The following PTPRN2 variants were observed in gnomAD, a reference collection of about 807,000 sequenced individuals.
PTPRN2 encodes the protein protein tyrosine phosphatase receptor type N2, also known as receptor-type tyrosine-protein phosphatase N2.
PTPRN2 carries 74 observed loss-of-function variants against 118.8 expected under a neutral mutation model. The ratio of observed to expected loss-of-function variants is 0.62; its 90% CI spans 0.52 to 0.76. The LOEUF is 0.76. Ranked by LOEUF, PTPRN2 falls within the 30% of genes least tolerant of loss-of-function variation. PTPRN2 has a pLI of 0.00. For synonymous variants in PTPRN2, 641 were observed against 608.0 expected, an observed-to-expected ratio of 1.05 and a Z score of -0.80; for missense variants, 1,481 against 1,394.4, an observed-to-expected ratio of 1.06 and a Z score of -0.99.
At chr7:158,010,766 T>G (rs879132173) in intron 11 of PTPRN2, among the ~76,000 whole-genome samples, 1 of 152,396 alleles carries the variant, frequency 6.6e-6, no homozygotes, top group East Asian at 1.9e-4. Flanking sequence ...ATTTCTCTGC[T>G]GCCTTACACA....
intron 11 of PTPRN2, among the ~76,000 whole-genome samples, chr7:157,943,187 G>A (rs958457852): frequency 1.3e-5 from 2 of 152,160 alleles, no homozygotes; most frequent in African/African-American, 2.4e-5. Context: ...CACTAGCCTC[G>A]AAGCCGCATC....
At chr7:157,885,090 C>T (rs1796375996) in intron 12 of PTPRN2, among the ~76,000 whole-genome samples, 1 of 152,190 alleles carries the variant, frequency 6.6e-6, no homozygotes, top group Non-Finnish European at 1.5e-5. Context: ...AACAGAGACA[C>T]TACTTTTTCT....
At chr7:158,432,487 C>T (rs559402083) in intron 2 of PTPRN2, among the ~76,000 whole-genome samples, 1 of 152,350 alleles carries the variant, frequency 6.6e-6, no homozygotes, top group South Asian at 2.1e-4. Context: ...CCAGGCCCCA[C>T]CTCTACCAGG....
At chr7:158,433,536 G>A (rs1586663217) in intron 2 of PTPRN2, among the ~76,000 whole-genome samples, 1 of 152,150 alleles carries the variant, frequency 6.6e-6, no homozygotes, top group African/African-American at 2.4e-5. Flanking sequence ...CTGATGATAC[G>A]GATTGATAGC....
At chr7:158,499,629 G>C (rs1822202704) in intron 1 of PTPRN2, among the ~76,000 whole-genome samples, 1 of 152,026 alleles carries the variant, frequency 6.6e-6, no homozygotes, top group South Asian at 2.1e-4. Flanking sequence ...AAATTAGCTG[G>C]GCATGGTGGT....
intron 2 of PTPRN2, among the ~76,000 whole-genome samples, chr7:158,484,148 A>T (rs1820830904): frequency 6.6e-6 from 1 of 152,128 alleles, no homozygotes; most frequent in South Asian, 2.1e-4. Flanking sequence ...TGTCTTAAAA[A>T]AAACAAAAAA....
intron 11 of PTPRN2, among the ~76,000 whole-genome samples, chr7:157,932,896 G>T (rs1438861169): frequency 6.7e-6 from 1 of 149,222 alleles, no homozygotes; most frequent in African/African-American, 2.5e-5. Context: ...CACTCCGATT[G>T]ACAGTTTTAG....
rs190867821 is a variant in PTPRN2 at position 157,957,187 on chromosome 7, T to C, written c.1724-58450A>G. On this transcript the variant is annotated intron_variant, in intron 11 of 22. Coordinates refer to ENST00000389418, the MANE Select transcript of PTPRN2 (RefSeq NM_002847.5). ...AGCAGGGGACAAGAGTCACCCAAGG[T>C]GACTATAAGTCCCCACAAATTCATC... is the stretch of plus-strand genomic sequence containing the variant. 1.6e-3 allele frequency among the ~76,000 whole-genome samples: 245 copies of C among 152,336 alleles called. 1 individual carries two copies. Among genetic ancestry groups the C allele is most frequent in the African/African-American group, 5.4e-3 (223 of 41,592 alleles).
chr7:158,036,430 A>G (rs1000086387), intron 11 of PTPRN2, among the ~76,000 whole-genome samples: 27 of 152,204 alleles, frequency 1.8e-4, no homozygotes, highest in African/African-American at 6.3e-4. Context: ...CGGATTTTAG[A>G]TTTTTCAGTC....
At chr7:157,838,052 C>T (rs111410575) in intron 12 of PTPRN2, among the ~76,000 whole-genome samples, 2 of 150,674 alleles carry the variant, frequency 1.3e-5, no homozygotes, top group Non-Finnish European at 2.9e-5. Context: ...TCCGCCGTGC[C>T]TACTCCAGTT....
At chr7:157,747,312 G>A (rs1282813690) in intron 12 of PTPRN2, among the ~76,000 whole-genome samples, 24 of 107,394 alleles carry the variant, frequency 2.2e-4, no homozygotes, top group Admixed American at 1.2e-3. Context: ...TGGGGTGTCC[G>A]GGTGATTCTG....
chr7:158,051,697 T>A (rs1056397768), intron 11 of PTPRN2, among the ~76,000 whole-genome samples: 1 of 152,252 alleles, frequency 6.6e-6, no homozygotes, highest in South Asian at 2.1e-4. Context: ...TGGTAATATG[T>A]TCACTTCATT....
chr7:157,909,386 T>TG lies in PTPRN2; in HGVS notation c.1724-10650dup, dbSNP rs546979204. 4.1e-3 allele frequency among the ~76,000 whole-genome samples: 624 copies of TG among 150,398 alleles called. 2 individuals are homozygous for TG. The highest frequency in any genetic ancestry group is 7.8e-3 in the South Asian group (37 of 4,726). On this transcript the variant is annotated intron_variant, in intron 11 of 22. Transcript: ENST00000389418. ...CTGGACAGGGGCTGACTCTATACAC[T>TG]GGGGGGGGGAGGATGCTGGCCACTC...
chr7:157,799,300 G>A (rs1312158435), intron 12 of PTPRN2, among the ~76,000 whole-genome samples: 9 of 152,042 alleles, frequency 5.9e-5, no homozygotes, highest in African/African-American at 9.7e-5. Flanking sequence ...TGTCAGCCTC[G>A]GATCCGGGCT....
rs550794226 is a variant in PTPRN2 at position 158,472,303 on chromosome 7, T to C, written c.163+17432A>G. 7.2e-5 allele frequency among the ~76,000 whole-genome samples: 11 copies of C among 152,310 alleles called. No individual in the cohort carries two copies. In the South Asian group the frequency reaches 2.3e-3, roughly 32 times the overall value. ...GGAGGAAGGATGGGAAGACGCCCGA[T>C]CAGTGTGGTTCCAGATCAGATTCTG... On this transcript the variant is annotated intron_variant, in intron 2 of 22. Coordinates refer to ENST00000389418, the MANE Select transcript of PTPRN2 (RefSeq NM_002847.5).
At chr7:157,879,759 C>T (rs762021041) in intron 12 of PTPRN2, among the ~76,000 whole-genome samples, 10 of 151,018 alleles carry the variant, frequency 6.6e-5, no homozygotes, top group Non-Finnish European at 1.0e-4. Context: ...CACGTGAGCC[C>T]GGCTTACTCG....
intron 9 of PTPRN2, among the ~76,000 whole-genome samples, chr7:158,131,532 C>A (rs1818290845): frequency 6.6e-6 from 1 of 151,252 alleles, no homozygotes; most frequent in South Asian, 2.1e-4. Flanking sequence ...CACACTCATA[C>A]ACACACACGG....
At chr7:157,886,253 C>T (rs928648917) in intron 12 of PTPRN2, among the ~76,000 whole-genome samples, 2 of 152,128 alleles carry the variant, frequency 1.3e-5, no homozygotes, top group African/African-American at 2.4e-5. Context: ...GTTTCTTCAG[C>T]GGGAGACATC....
At chr7:157,675,650 C>A (rs892195011) in intron 13 of PTPRN2, among the ~76,000 whole-genome samples, 3 of 152,162 alleles carry the variant, frequency 2.0e-5, no homozygotes, top group African/African-American at 7.2e-5. Context: ...ACCCTGGAAA[C>A]GGGAGGAGCA....
Sources: gnomAD v4.1 joint callset for allele counts (sites outside exome capture counted in the v4.1 genomes callset) on GRCh38, gnomAD v4.1.1 for gene constraint, MANE v1.5 for transcripts, NCBI Gene and HGNC (gene_info 2026-07-23, HGNC 2026-07-21) for gene names.